NCKAP5: variants seen among roughly 807,000 people sequenced by gnomAD.
The protein encoded by NCKAP5 is NCK associated protein 5, also known as nck-associated protein 5.
Under a neutral mutation model 167.0 loss-of-function variants are expected in NCKAP5, and 92 were observed. The observed-to-expected ratio is 0.55, with a 90% CI of 0.47 to 0.66. The LOEUF is 0.66. Among genes scored for constraint, NCKAP5 ranks in the 30% least tolerant of loss-of-function variants. The probability of loss-of-function intolerance (pLI) is 0.00; values close to 1 mark genes in which losing one functional copy is unlikely to be tolerated. For synonymous variants in NCKAP5, 891 were observed against 877.4 expected (o/e 1.02, Z -0.27); for missense variants, 2,378 against 2,315.0 (o/e 1.03, Z -0.56).
chr2:133,197,904 C>T (rs1272769851), intron 5 of NCKAP5, among the ~76,000 whole-genome samples: 9 of 151,958 alleles, frequency 5.9e-5, no homozygotes, highest in African/African-American at 7.2e-5. Context: ...GAGCCAAGAT[C>T]GTGCCACTGC....
intron 3 of NCKAP5, among the ~76,000 whole-genome samples, chr2:133,507,153 A>G (rs982998963): frequency 1.3e-5 from 2 of 152,162 alleles, no homozygotes; most frequent in African/African-American, 2.4e-5. Flanking sequence ...TTTCACTCTC[A>G]GCGTTCACCA....
chr2:132,704,119 T>A (rs1003067790), intron 19 of NCKAP5, among the ~76,000 whole-genome samples: 1 of 152,226 alleles, frequency 6.6e-6, no homozygotes, highest in South Asian at 2.1e-4. Flanking sequence ...TCTGAAGGTG[T>A]CTTTCACCTT....
At chr2:132,926,449 C>A (rs965036680) in intron 8 of NCKAP5, among the ~76,000 whole-genome samples, 4 of 152,178 alleles carry the variant, frequency 2.6e-5, no homozygotes, top group Non-Finnish European at 5.9e-5. Context: ...ACTGTCCATA[C>A]CATTTTCCAT....
rs118005235 is a variant in NCKAP5 at position 133,408,282 on chromosome 2, A to G, written c.70-105172T>C. On this transcript the variant is annotated intron_variant, in intron 3 of 19. Transcript: ENST00000409261. ...TGTGCTAAAATGGAACAGTGGACCT[A>G]ATACTACTGCTTGTATAATGGATTT... 2.6e-5 allele frequency among the ~76,000 whole-genome samples: 4 copies of G among 152,300 alleles called. No individual in the cohort carries two copies. The East Asian group carries it at 7.7e-4, about 29-fold the overall frequency.
intron 16 of NCKAP5, among the ~76,000 whole-genome samples, chr2:132,765,308 CTTTTTTTTTTTT>C (rs1170247644): frequency 2.6e-5 from 3 of 114,312 alleles, no homozygotes; most frequent in African/African-American, 6.9e-5. Flanking sequence ...TTCTTTCTTT[CTTTTTTTTTTTT>C]TTTTTTTTTG....
At chr2:132,893,880 TCA>T (rs928998492) in intron 8 of NCKAP5, among the ~76,000 whole-genome samples, 1 of 151,816 alleles carries the variant, frequency 6.6e-6, no homozygotes, top group Admixed American at 6.6e-5. Context: ...TAAACATATT[TCA>T]CACACACACA....
chr2:132,998,584 T>A (rs2077678564), intron 6 of NCKAP5, among the ~76,000 whole-genome samples: 1 of 152,202 alleles, frequency 6.6e-6, no homozygotes, highest in African/African-American at 2.4e-5. Context: ...ATGCCATTAT[T>A]TACTCCCTGA....
At chr2:132,961,662 C>G (rs1027464542) in intron 8 of NCKAP5, among the ~76,000 whole-genome samples, 7 of 152,168 alleles carry the variant, frequency 4.6e-5, no homozygotes, top group African/African-American at 1.7e-4. Flanking sequence ...TACTGCTTCT[C>G]TTTTACTCAC....
At chr2:133,280,761 A>C (rs1329100408) in intron 4 of NCKAP5, among the ~76,000 whole-genome samples, 2 of 152,310 alleles carry the variant, frequency 1.3e-5, no homozygotes, top group East Asian at 3.9e-4. Flanking sequence ...ATAGCGCTTT[A>C]TTGGAATAGT....
At chr2:133,454,970 A>T (rs896024011) in intron 3 of NCKAP5, among the ~76,000 whole-genome samples, 3 of 152,212 alleles carry the variant, frequency 2.0e-5, no homozygotes, top group Middle Eastern at 3.4e-3. Flanking sequence ...CATTGGCATG[A>T]TATACTCAAC....
intron 6 of NCKAP5, among the ~76,000 whole-genome samples, chr2:133,075,571 A>G (rs1478492862): frequency 4.6e-5 from 7 of 152,214 alleles, no homozygotes; most frequent in Non-Finnish European, 1.0e-4. Context: ...GTTACAGGAC[A>G]AAAGGGTCGT....
At chr2:132,765,999 A>G (rs1558740083) in intron 16 of NCKAP5, among the ~76,000 whole-genome samples, 1 of 152,118 alleles carries the variant, frequency 6.6e-6, no homozygotes, top group Non-Finnish European at 1.5e-5. Flanking sequence ...TGAGGAATGT[A>G]GGCTGGGCAC....
intron 16 of NCKAP5, among the ~76,000 whole-genome samples, chr2:132,772,764 T>G (rs184947728): frequency 6.6e-6 from 1 of 152,362 alleles, no homozygotes; most frequent in Admixed American, 6.5e-5. Context: ...AATAATGGCA[T>G]GCCAGTCTCA....
the NCKAP5 span, among the ~76,000 whole-genome samples, chr2:133,645,178 A>C: frequency 6.6e-6 from 1 of 152,368 alleles, no homozygotes; most frequent in Admixed American, 6.5e-5. Context: ...TAACAGTAAA[A>C]GCAAAAGAAA....
intron 8 of NCKAP5, chr2:132,931,392 T>A (rs912896670): frequency 1.1e-4 from 16 of 152,350 alleles, no homozygotes; most frequent in African/African-American, 3.4e-4. Context: ...TTTTTTCCCT[T>A]CTACCATGTG....
chr2:133,045,778 AAT>A (rs1341920405), intron 6 of NCKAP5, among the ~76,000 whole-genome samples: 1 of 152,198 alleles, frequency 6.6e-6, no homozygotes, highest in Non-Finnish European at 1.5e-5. Context: ...TCTCTCTCAA[AAT>A]ATCTTATTGC....
At chr2:132,768,092 T>C (rs1451211149) in intron 16 of NCKAP5, among the ~76,000 whole-genome samples, 1 of 152,230 alleles carries the variant, frequency 6.6e-6, no homozygotes, top group East Asian at 1.9e-4. Context: ...CTGTGGCCTA[T>C]GCCCTTTAGA....
At chr2:132,770,756 A>T (rs1574144861) in intron 16 of NCKAP5, among the ~76,000 whole-genome samples, 1 of 152,212 alleles carries the variant, frequency 6.6e-6, no homozygotes, top group East Asian at 1.9e-4. Context: ...GATATAGAAC[A>T]TACAGTCATG....
intron 4 of NCKAP5, among the ~76,000 whole-genome samples, chr2:133,218,031 A>C (rs1360483686): frequency 6.6e-6 from 1 of 152,150 alleles, no homozygotes; most frequent in Non-Finnish European, 1.5e-5. Flanking sequence ...CAAATATTTG[A>C]ATACTGAGTT....
Sources: gnomAD v4.1 joint callset for allele counts (sites outside exome capture counted in the v4.1 genomes callset) on GRCh38, gnomAD v4.1.1 for gene constraint, MANE v1.5 for transcripts, NCBI Gene and HGNC (gene_info 2026-07-23, HGNC 2026-07-21) for gene names.